Variants in MACF1 observed in about 807,000 individuals in gnomAD.
MACF1 encodes microtubule-actin cross-linking factor 1.
Under a neutral mutation model 854.8 loss-of-function variants are expected in MACF1, and 193 were observed. That is an observed-to-expected ratio of 0.23 (90% CI 0.20 to 0.25). The LOEUF is 0.25. Among genes scored for constraint, MACF1 ranks in the 10% least tolerant of loss-of-function variants. MACF1 has a pLI of 1.00. For missense variants in MACF1, 7,722 were observed against 8,929.1 expected, an observed-to-expected ratio of 0.86 and a Z score of 5.45; for synonymous variants, 3,185 against 3,226.7, an observed-to-expected ratio of 0.99 and a Z score of 0.44.
At position 39,422,549 on chromosome 1, in the gene MACF1, G is replaced by T. The variant is rs1167304737; in HGVS notation, c.15978+14G>T. 4 of 1,599,532 alleles carry T rather than the reference G, an allele frequency of 2.5e-6. No individual in the cohort carries two copies. The highest frequency in any genetic ancestry group is 3.4e-6 in the Non-Finnish European group (4 of 1,170,468). ...TTGAATAAAAAGGTGAGTGACAATG[G>T]GGTAGCAAGTGTACTGGAAACGGAA... On this transcript the variant is annotated intron_variant, in intron 59 of 100. Coordinates refer to ENST00000564288, the MANE Select transcript of MACF1 (RefSeq NM_001394062.1).
intron 69 of MACF1, 47 bp downstream of exon 69, chr1:39,434,679 A>T: frequency 6.5e-7 from 1 of 1,541,646 alleles, no homozygotes; most frequent in African/African-American, 1.4e-5. Flanking sequence ...AATGGTCTCT[A>T]TAATTTATTT....
intron 22 of MACF1, 107 bp from the exon 23 acceptor site, chr1:39,302,817 T>G (rs1464780372): frequency 1.8e-6 from 2 of 1,100,954 alleles, no homozygotes; most frequent in Middle Eastern, 2.5e-4. Context: ...GATCTTTTCT[T>G]AAGCAGATTT....
intron 2 of MACF1, among the ~76,000 whole-genome samples, chr1:39,152,606 CA>C (rs1297579466): frequency 6.6e-6 from 1 of 152,162 alleles, no homozygotes; most frequent in Non-Finnish European, 1.5e-5. Context: ...TTAGACGTCA[CA>C]GTAAAAAAGT....
At chr1:39,314,248 A>C (rs993712350) in intron 26 of MACF1, among the ~76,000 whole-genome samples, 1 of 152,070 alleles carries the variant, frequency 6.6e-6, no homozygotes, top group African/African-American at 2.4e-5. Flanking sequence ...GTCTCTACTA[A>C]TAATACAAAA....
chr1:39,461,007 G>A (rs1403512760), intron 92 of MACF1, among the ~76,000 whole-genome samples: 1 of 151,688 alleles, frequency 6.6e-6, no homozygotes, highest in Non-Finnish European at 1.5e-5. Context: ...ACCTGAGCCT[G>A]GGGAGGTCAA....
chr1:39,124,036 G>A (rs1035574059), intron 2 of MACF1, among the ~76,000 whole-genome samples: 16 of 150,556 alleles, frequency 1.1e-4, no homozygotes, highest in Admixed American at 2.0e-4. Flanking sequence ...TACTGCACCC[G>A]ACCAATTCTT....
Position 39,388,437 on chromosome 1 carries a change from A to G in MACF1, c.15595A>G (p.Lys5199Glu). The G allele has an allele frequency of 6.2e-7, 1 of 1,614,114 alleles. No homozygotes were observed. The highest frequency in any genetic ancestry group is 2.2e-5 in the East Asian group (1 of 44,886). Residue 5199 changes from lysine (K) to glutamate (E), a missense_variant, in exon 58 of 101, where the codon AAA becomes GAA. By Grantham distance (56) the Lys-to-Glu change is moderately conservative (BLOSUM62 1). Transcript: ENST00000564288. ...GGGGACTCTGGATTTGTTAGGTCTC[A>G]AAAGGGAGCTAGAAGCCCTGAACAA... ...EEGTLDLLGL[K>E]RELEALNKQC...
At chr1:39,351,636 G>C (rs979218776) in intron 43 of MACF1, among the ~76,000 whole-genome samples, 7 of 143,788 alleles carry the variant, frequency 4.9e-5, no homozygotes, top group African/African-American at 1.9e-4. Context: ...GCCAAGACTG[G>C]AGTACAGTGG....
At position 39,336,105 on chromosome 1, in the gene MACF1, T is replaced by C. The variant is rs779688883; in HGVS notation, c.9517T>C (p.Tyr3173His). 4.8e-5 allele frequency: 78 copies of C among 1,613,866 alleles called. No homozygotes were observed. The highest frequency in any genetic ancestry group is 6.6e-5 in the Non-Finnish European group (78 of 1,180,012). ...SSSNECKEKS[Y>H]QEVSFDPARG... ...ATCTAATGAATGTAAAGAAAAGTCATACCAAGAAGTATCTTTTGACCCAGC... is the reference window on the plus strand; with the variant it reads ...ATCTAATGAATGTAAAGAAAAGTCACACCAAGAAGTATCTTTTGACCCAGC... The change falls in exon 37 of 101, where the codon TAC becomes CAC. Residue 3173 changes from tyrosine (Y) to histidine (H), a missense_variant. Physicochemically the swap from Tyr to His is moderately conservative, Grantham distance 83. This residue lies in a region of MACF1 where 854 missense variants were observed against 852.6 expected (regional missense o/e 1.00). Coordinates refer to ENST00000564288, the MANE Select transcript of MACF1 (RefSeq NM_001394062.1).
In MACF1 at chr1:39,451,048, T is replaced by G. The variant is rs1470359325; in HGVS notation, c.20259-4T>G. The G allele has an allele frequency of 1.2e-6, 2 of 1,611,422 alleles. No individual in the cohort carries two copies. The highest frequency in any genetic ancestry group is 1.7e-6 in the Non-Finnish European group (2 of 1,179,146). ...AAATGGTAGCGTTTGTGTGCATTTC[T>G]CAGGCAGCACAAGTTGGAGGAAGCC... On this transcript the variant is annotated splice_region_variant and splice_polypyrimidine_tract_variant and intron_variant, in intron 84 of 100. Coordinates refer to ENST00000564288, the MANE Select transcript of MACF1 (RefSeq NM_001394062.1).
chr1:39,145,149 G>C (rs114911343), intron 2 of MACF1, among the ~76,000 whole-genome samples: 1,908 of 152,170 alleles, frequency 0.013, 43 homozygotes, highest in African/African-American at 0.044. Context: ...AGATTTATGA[G>C]CTCTAGCCAC....
At chr1:39,453,608 G>T in intron 87 of MACF1, 99 bp from the exon 88 acceptor site, 1 of 1,072,404 alleles carries the variant, frequency 9.3e-7, no homozygotes, top group Non-Finnish European at 1.4e-6. Flanking sequence ...ACACATGGAG[G>T]AAAAAGAAAA....
rs200318050 is a variant in MACF1 at position 39,427,947 on chromosome 1, A to G, written c.16477-14A>G. 5.1e-6 allele frequency: 8 copies of G among 1,577,356 alleles called. No homozygotes were observed. Among genetic ancestry groups the G allele is most frequent in the South Asian group, 1.1e-5 (1 of 87,062 alleles). On this transcript the variant is annotated splice_polypyrimidine_tract_variant and intron_variant, in intron 62 of 100. Transcript: ENST00000564288. ...TTTGTTTCTGTTATTCATTTTTTCC[A>G]TCTGGATTTCCAGGCTCTGGAAGAA...
At chr1:39,102,169 C>T (rs1016976260) in intron 2 of MACF1, among the ~76,000 whole-genome samples, 1 of 137,722 alleles carries the variant, frequency 7.3e-6, no homozygotes, top group Non-Finnish European at 1.5e-5. Flanking sequence ...AGCGAGACTC[C>T]GTCAAAAAAA....
chr1:39,379,539 T>G, intron 54 of MACF1, 95 bp downstream of exon 54: 1 of 1,402,258 alleles, frequency 7.1e-7, no homozygotes, highest in South Asian at 1.4e-5. Flanking sequence ...GAGAGAGACA[T>G]GGGCAACAAT....
intron 6 of MACF1, among the ~76,000 whole-genome samples, chr1:39,280,146 C>T (rs1269706576): frequency 1.3e-5 from 2 of 152,128 alleles, no homozygotes; most frequent in Non-Finnish European, 2.9e-5. Flanking sequence ...GATCCACCTG[C>T]CTCGGCCTCC....
At chr1:39,321,112 G>C (rs993705142) in intron 31 of MACF1, among the ~76,000 whole-genome samples, 1 of 152,232 alleles carries the variant, frequency 6.6e-6, no homozygotes, top group East Asian at 1.9e-4. Context: ...ACAATGGCAA[G>C]TACATAGAAG....
At chr1:39,242,667 C>T (rs1405578434) in intron 2 of MACF1, among the ~76,000 whole-genome samples, 2 of 149,034 alleles carry the variant, frequency 1.3e-5, no homozygotes, top group Admixed American at 6.7e-5. Flanking sequence ...CCCAGGAAGT[C>T]GAGGCTATAG....
intron 97 of MACF1, among the ~76,000 whole-genome samples, chr1:39,472,419 G>T (rs946420409): frequency 2.6e-5 from 4 of 152,044 alleles, no homozygotes; most frequent in African/African-American, 9.7e-5. Flanking sequence ...ATTGTTTGTT[G>T]TCGCCTCCTC....
Sources: gnomAD v4.1 joint callset for allele counts (sites outside exome capture counted in the v4.1 genomes callset) on GRCh38, gnomAD v4.1.1 for gene constraint, gnomAD v4.1.1 regional missense constraint, MANE v1.5 for transcripts, NCBI Gene and HGNC (gene_info 2026-07-23, HGNC 2026-07-21) for gene names.